The following PPP1R1C variants were observed in gnomAD, a reference collection of about 807,000 sequenced individuals.
PPP1R1C encodes the protein protein phosphatase 1 regulatory inhibitor subunit 1C.
In PPP1R1C, 15 loss-of-function variants were observed where a neutral mutation model predicts 17.4. The observed-to-expected ratio is 0.86, with a 90% CI of 0.58 to 1.33. The LOEUF is 1.33. Ranked by LOEUF, PPP1R1C falls within the 40% of genes most tolerant of loss-of-function variation. The probability of loss-of-function intolerance (pLI) is 0.00; values close to 1 mark genes in which losing one functional copy is unlikely to be tolerated. For synonymous variants in PPP1R1C, 35 were observed against 43.1 expected, an observed-to-expected ratio of 0.81 and a Z score of 0.73; for missense variants, 143 against 130.0, an observed-to-expected ratio of 1.10 and a Z score of -0.48.
chr2:182,039,629 C>T (rs1687121059), intron 2 of PPP1R1C, among the ~76,000 whole-genome samples: 1 of 152,172 alleles, frequency 6.6e-6, no homozygotes, highest in African/African-American at 2.4e-5. Flanking sequence ...AAGTGATCCT[C>T]CCACCTTGGC....
rs1684818224 is a variant in PPP1R1C at position 181,962,490 on chromosome 2, A to G, written n.111+7856A>G. On this transcript the variant is annotated intron_variant and non_coding_transcript_variant, in intron 1 of 5. Transcript: ENST00000464264. This position sits in a 1 kb window ranked among gnomAD's most constrained non-coding sequence, Gnocchi z 6.0. ...GTGGTGAAGCTCATGCTATCCAGGG[A>G]GGAGAGTGAGAGGACAGGACTCAGG... 1 of 686,178 alleles carries G rather than the reference A, an allele frequency of 1.5e-6. No homozygotes were observed. Among genetic ancestry groups the G allele is most frequent in the Non-Finnish European group, 2.7e-6 (1 of 367,010 alleles). The allele number at this position is 686,178 out of a possible 1,614,324, so 42.5% of individuals were successfully genotyped here.
chr2:182,017,092 C>T (rs1686283125), intron 2 of PPP1R1C, among the ~76,000 whole-genome samples: 1 of 152,140 alleles, frequency 6.6e-6, no homozygotes, highest in South Asian at 2.1e-4. Context: ...GGTAGGCCAA[C>T]AGGCTTTATA....
Position 181,961,706 on chromosome 2 carries a change from G to C in PPP1R1C, n.111+7072G>C. The C allele has an allele frequency of 1.2e-6, 1 of 800,932 alleles. No individual in the cohort carries two copies. Among genetic ancestry groups the C allele is most frequent in the Admixed American group, 1.7e-5 (1 of 57,808 alleles). 49.6% of individuals were successfully genotyped at this position (800,932 alleles called of 1,614,324 possible). On this transcript the variant is annotated intron_variant and non_coding_transcript_variant, in intron 1 of 5. Coordinates refer to the PPP1R1C transcript ENST00000464264. This position sits in a 1 kb window ranked among gnomAD's most constrained non-coding sequence, Gnocchi z 5.8. ...AGCTCCTCTCAGTTCTTTCGAGTCA[G>C]CTCATCATATTGGGCCCGGATATCT...
At chr2:182,120,918 G>A (rs1689719032), downstream of PPP1R1C, among the ~76,000 whole-genome samples, 1 of 151,988 alleles carries the variant, frequency 6.6e-6, no homozygotes, top group Non-Finnish European at 1.5e-5. Flanking sequence ...CTTCCATTCT[G>A]TTCTCCACTC....
upstream of PPP1R1C, among the ~76,000 whole-genome samples, chr2:181,982,121 C>A (rs543122464): frequency 1.3e-5 from 2 of 152,112 alleles, no homozygotes; most frequent in Admixed American, 1.3e-4. Context: ...TTGCTTTTCC[C>A]TCTCCACCCC....
At chr2:182,115,811 A>G (rs16822617) in intron 4 of PPP1R1C, among the ~76,000 whole-genome samples, 4,786 of 152,290 alleles carry the variant, frequency 0.031, 217 homozygotes, top group Admixed American at 0.13. Flanking sequence ...GCTTGCTGAC[A>G]GCCGTACATG....
Position 181,962,167 on chromosome 2 carries a change from C to G in PPP1R1C, n.111+7533C>G, listed in dbSNP as rs1684810653. ...GGATTTTGCTCTCCAGCTTCCGGTT[C>G]TTGGTCTCCAGGCTCCTCACTCTGT... On this transcript the variant is annotated intron_variant and non_coding_transcript_variant, in intron 1 of 5. Coordinates refer to the PPP1R1C transcript ENST00000464264. The surrounding 1 kb of genome is among the most constrained non-coding windows in gnomAD (Gnocchi z 6.0). 2 of 742,208 alleles carry G rather than the reference C, an allele frequency of 2.7e-6. No homozygotes were observed. The highest frequency in any genetic ancestry group is 4.9e-6 in the Non-Finnish European group (2 of 406,562). 46.0% of individuals were successfully genotyped at this position (742,208 alleles called of 1,614,324 possible).
At chr2:182,130,165 A>T (rs1285232032), downstream of PPP1R1C, 1 of 152,178 alleles carries the variant, frequency 6.6e-6, no homozygotes, top group South Asian at 2.1e-4. Flanking sequence ...TTGATTTCTC[A>T]TAAGTTGCAA....
chr2:182,093,362 G>C (rs1334604994), intron 4 of PPP1R1C, among the ~76,000 whole-genome samples: 2 of 152,030 alleles, frequency 1.3e-5, no homozygotes, highest in Non-Finnish European at 2.9e-5. Flanking sequence ...TTTCCTCCAG[G>C]AAAAAGGCTC....
rs551129277 is a variant in PPP1R1C, at chr2:182,117,609, C to T, written c.*314C>T. 8.6e-6 allele frequency: 2 copies of T among 231,732 alleles called. No individual in the cohort carries two copies. The highest frequency in any genetic ancestry group is 2.3e-4 in the South Asian group (2 of 8,720). The allele number at this position is 231,732 out of a possible 1,614,324, so 14.4% of individuals were successfully genotyped here. ...CCAGAGCTTAATCCTTGATGTCCTA[C>T]TGATAAGGTTTGCATTCTAACAACA... On this transcript the variant is annotated 3_prime_UTR_variant, in exon 5 of 5. Transcript: ENST00000682840.
intron 4 of PPP1R1C, among the ~76,000 whole-genome samples, chr2:182,097,030 A>G (rs1161601495): frequency 6.6e-6 from 1 of 152,192 alleles, no homozygotes; most frequent in East Asian, 1.9e-4. Flanking sequence ...AACATACACT[A>G]TTACTAGACT....
At chr2:182,099,570 T>C (rs1689040665) in intron 4 of PPP1R1C, among the ~76,000 whole-genome samples, 1 of 152,186 alleles carries the variant, frequency 6.6e-6, no homozygotes, top group Admixed American at 6.5e-5. Flanking sequence ...AATAAAAATA[T>C]GTATGGCATC....
At chr2:182,063,641 A>G (rs1687905249) in intron 3 of PPP1R1C, 90 bp from the exon 4 acceptor site, 1 of 966,744 alleles carries the variant, frequency 1.0e-6, no homozygotes, top group African/African-American at 1.6e-5. Context: ...TTTTCATAAC[A>G]TGGCACAGTA....
intron 2 of PPP1R1C, among the ~76,000 whole-genome samples, chr2:182,060,240 A>G (rs772517297): frequency 1.3e-5 from 2 of 152,120 alleles, no homozygotes; most frequent in Non-Finnish European, 2.9e-5. Flanking sequence ...AGAATAAACA[A>G]TGGTTCCATA....
At chr2:182,076,340 G>A (rs1688309876) in intron 4 of PPP1R1C, among the ~76,000 whole-genome samples, 1 of 146,042 alleles carries the variant, frequency 6.8e-6, no homozygotes, top group Non-Finnish European at 1.5e-5. Flanking sequence ...GACTACAGGT[G>A]CCCGCTACCA....
At chr2:182,121,117 A>G (rs1282244138), downstream of PPP1R1C, among the ~76,000 whole-genome samples, 1 of 152,218 alleles carries the variant, frequency 6.6e-6, no homozygotes, top group Non-Finnish European at 1.5e-5. Context: ...GGGCAAAGAA[A>G]CTGACCAAAG....
intron 1 of PPP1R1C, among the ~76,000 whole-genome samples, chr2:181,958,435 G>A (rs181397442): frequency 6.6e-6 from 1 of 152,278 alleles, no homozygotes; most frequent in African/African-American, 2.4e-5. Flanking sequence ...AAATACAAAA[G>A]CTGGGGATGG....
intron 2 of PPP1R1C, among the ~76,000 whole-genome samples, chr2:182,039,766 A>G (rs575109868): frequency 1.6e-4 from 25 of 152,220 alleles, no homozygotes; most frequent in Admixed American, 5.2e-4. Context: ...AGTAGTGTAT[A>G]TTGTACCCAA....
chr2:181,989,877 ATAGG>A (rs1253540394), intron 2 of PPP1R1C, among the ~76,000 whole-genome samples: 1 of 152,192 alleles, frequency 6.6e-6, no homozygotes, highest in Non-Finnish European at 1.5e-5. Context: ...TTGGCTGTGT[ATAGG>A]ACTTGGATAA....
Sources: allele counts gnomAD v4.1 joint callset (sites outside exome capture counted in the v4.1 genomes callset), GRCh38; gene constraint gnomAD v4.1.1; non-coding constraint Gnocchi (gnomAD v3.1); transcripts MANE v1.5; gene names NCBI Gene and HGNC (gene_info 2026-07-23, HGNC 2026-07-21).